PRLR: variants seen among roughly 807,000 people sequenced by gnomAD.
PRLR encodes the protein hPRL receptor.
A neutral mutation model predicts 40.2 loss-of-function variants in PRLR; 13 were observed. The ratio of observed to expected loss-of-function variants is 0.32; its 90% CI spans 0.21 to 0.51. The LOEUF is 0.51. Ranked by LOEUF, PRLR falls within the 20% of genes least tolerant of loss-of-function variation. PRLR has a pLI of 0.97. For missense variants in PRLR, 656 were observed against 747.3 expected (o/e 0.88, Z 1.42); for synonymous variants, 269 against 278.7 (o/e 0.97, Z 0.35).
At chr5:35,214,210 T>C (rs1776232667) in intron 1 of PRLR, among the ~76,000 whole-genome samples, 1 of 152,210 alleles carries the variant, frequency 6.6e-6, no homozygotes, top group Admixed American at 6.5e-5. Flanking sequence ...TCTGCTAATC[T>C]CCTAGCTTCA....
At chr5:35,135,743 T>C (rs2111797851) in intron 1 of PRLR, among the ~76,000 whole-genome samples, 1 of 152,268 alleles carries the variant, frequency 6.6e-6, no homozygotes, top group East Asian at 1.9e-4. Context: ...GCAATCACGA[T>C]GCCTGCCTCA....
At chr5:35,102,636 G>A (rs150514527) in intron 2 of PRLR, among the ~76,000 whole-genome samples, 1,651 of 151,396 alleles carry the variant, frequency 0.011, 12 homozygotes, top group Non-Finnish European at 0.017. Context: ...TCCAATGCCC[G>A]GGTTCAAGAA....
chr5:35,090,671 G>A (rs1021947667), intron 2 of PRLR, among the ~76,000 whole-genome samples: 3 of 151,886 alleles, frequency 2.0e-5, no homozygotes, highest in African/African-American at 7.3e-5. Flanking sequence ...AAACGTCTGA[G>A]TGTGTTTGAT....
At chr5:35,111,085 G>T (rs1336927655) in intron 2 of PRLR, among the ~76,000 whole-genome samples, 13 of 152,116 alleles carry the variant, frequency 8.5e-5, no homozygotes. Context: ...AACATAGAAG[G>T]TATTCAATAA....
At chr5:35,117,645 A>C (rs1773105700) in intron 2 of PRLR, among the ~76,000 whole-genome samples, 1 of 152,222 alleles carries the variant, frequency 6.6e-6, no homozygotes. Flanking sequence ...TACGGGGCCC[A>C]GAAAGTTGTG....
In PRLR at chr5:35,062,844, C is replaced by A. The variant is rs1017330775; in HGVS notation, c.*2245G>T. 6.6e-6 allele frequency: 1 copy of A among 152,194 alleles called. No individual in the cohort carries two copies. The highest frequency in any genetic ancestry group is 2.4e-5 in the African/African-American group (1 of 41,444). 9.4% of individuals were successfully genotyped at this position (152,194 alleles called of 1,614,324 possible). On this transcript the variant is annotated 3_prime_UTR_variant, in exon 10 of 10. Transcript: ENST00000618457. Reference sequence around the variant, plus strand: ...ATATAAGATTCAGCATAATGTGAATCTTAAACTACTGATATGTTTCTTTTT... The same window carrying A: ...ATATAAGATTCAGCATAATGTGAATATTAAACTACTGATATGTTTCTTTTT...
At chr5:35,147,920 C>T (rs1774231020) in intron 1 of PRLR, among the ~76,000 whole-genome samples, 1 of 151,666 alleles carries the variant, frequency 6.6e-6, no homozygotes, top group Non-Finnish European at 1.5e-5. Context: ...ATGGTGAATC[C>T]ATAGAAGAAA....
At chr5:35,138,586 T>C (rs533428782) in intron 1 of PRLR, among the ~76,000 whole-genome samples, 21 of 152,358 alleles carry the variant, frequency 1.4e-4, no homozygotes, top group East Asian at 3.9e-4. Flanking sequence ...AACTGTGTGA[T>C]TGAGAAAAAC....
At chr5:35,094,976 A>T (rs1264732343) in intron 2 of PRLR, among the ~76,000 whole-genome samples, 1 of 151,940 alleles carries the variant, frequency 6.6e-6, no homozygotes, top group Non-Finnish European at 1.5e-5. Context: ...TAGAGGCACG[A>T]GCCACCAACA....
Position 35,134,250 on chromosome 5 carries a change from T to C in PRLR, c.-105-16128A>G, listed in dbSNP as rs16872168. The stretch of plus-strand genomic sequence containing the variant: ...AGGAAAAGAAATCAGGAAGCTGAGA[T>C]TGGGACTTGGGTGAGCTCTTGAAAG... On this transcript the variant is annotated intron_variant, in intron 1 of 9. Coordinates refer to ENST00000618457, the MANE Select transcript of PRLR (RefSeq NM_000949.7). Among the ~76,000 whole-genome samples the C allele has an allele frequency of 5.2e-3, 784 of 152,226 alleles. 6 individuals are homozygous for C. Among genetic ancestry groups the C allele is most frequent in the African/African-American group, 0.018 (733 of 41,526 alleles).
chr5:35,146,396 G>C (rs557890589), intron 1 of PRLR, among the ~76,000 whole-genome samples: 35 of 152,198 alleles, frequency 2.3e-4, no homozygotes, highest in African/African-American at 8.2e-4. Context: ...TGTGTGCATC[G>C]TTTTATCACA....
At chr5:35,202,137 GATA>G (rs1195101086) in intron 1 of PRLR, among the ~76,000 whole-genome samples, 19 of 152,310 alleles carry the variant, frequency 1.2e-4, no homozygotes, top group African/African-American at 4.3e-4. Context: ...AGATGGAGAT[GATA>G]ATAAGAGAAC....
chr5:35,230,208 G>T (rs1776664388), intron 1 of PRLR, 60 bp downstream of exon 1: 1 of 152,200 alleles, frequency 6.6e-6, no homozygotes, highest in Non-Finnish European at 1.5e-5. Flanking sequence ...GAGAGCGGCC[G>T]CCCGCGCAGC....
At chr5:35,082,736 G>A (rs1045063474) in intron 5 of PRLR, among the ~76,000 whole-genome samples, 1 of 152,138 alleles carries the variant, frequency 6.6e-6, no homozygotes, top group East Asian at 1.9e-4. Context: ...GATGAGAGTC[G>A]AAGTGTCAGA....
chr5:35,218,550 C>T lies in PRLR; in HGVS notation c.-106+11718G>A, dbSNP rs4373261. Among the ~76,000 whole-genome samples, 666 of 152,180 alleles carry T rather than the reference C, an allele frequency of 4.4e-3. 6 individuals are homozygous for T. The highest frequency in any genetic ancestry group is 0.015 in the African/African-American group (634 of 41,506). On this transcript the variant is annotated intron_variant, in intron 1 of 9. Coordinates refer to ENST00000618457, the MANE Select transcript of PRLR (RefSeq NM_000949.7). ...CAATTCTGTAAATCCCTTGTTGTTA[C>T]TATCATTAGGAAGGAAGGAAGGTCT...
chr5:35,124,612 T>C (rs1773396846), intron 1 of PRLR, among the ~76,000 whole-genome samples: 1 of 152,200 alleles, frequency 6.6e-6, no homozygotes, highest in African/African-American at 2.4e-5. Flanking sequence ...TTCCTTAATT[T>C]ATTTATTTTA....
chr5:35,068,228 A>G lies in PRLR; in HGVS notation c.843T>C (p.Ala281=), dbSNP rs1769498906. 2 of 1,612,314 alleles carry G rather than the reference A, an allele frequency of 1.2e-6. No individual in the cohort carries two copies. The highest frequency in any genetic ancestry group is 1.7e-6 in the Non-Finnish European group (2 of 1,178,450). ...VPGPKIKGFD[A]HLLEKGKSEE... ...CTCCTGTACTTACCTCCAACAGATG[A>G]GCATCAAATCCTTTTATTTTTGGCC... Residue 281 remains alanine, a synonymous_variant, in exon 9 of 10, where the codon GCT becomes GCC. Transcript: ENST00000618457.
intron 1 of PRLR, among the ~76,000 whole-genome samples, chr5:35,134,377 G>A (rs1488409101): frequency 2.0e-5 from 3 of 151,468 alleles, no homozygotes; most frequent in Non-Finnish European, 4.4e-5. Flanking sequence ...ATTGCTTTCT[G>A]GTCACTCTGG....
chr5:35,202,247 C>T (rs558804913), intron 1 of PRLR, among the ~76,000 whole-genome samples: 4 of 152,308 alleles, frequency 2.6e-5, no homozygotes, highest in South Asian at 4.1e-4. Context: ...AGGATAAGTG[C>T]AATCTAGCAG....
Sources: gnomAD v4.1 joint callset for allele counts (sites outside exome capture counted in the v4.1 genomes callset) on GRCh38, gnomAD v4.1.1 for gene constraint, MANE v1.5 for transcripts, NCBI Gene and HGNC (gene_info 2026-07-23, HGNC 2026-07-21) for gene names.